Variants in GSG1L observed in about 807,000 individuals in gnomAD.
GSG1L encodes the protein germ cell-specific gene 1-like protein.
Under a neutral mutation model 42.1 loss-of-function variants are expected in GSG1L, and 24 were observed. The ratio of observed to expected loss-of-function variants is 0.57; its 90% CI spans 0.41 to 0.80. The LOEUF is 0.80. Among genes scored for constraint, GSG1L ranks in the 30% least tolerant of loss-of-function variants. GSG1L has a pLI of 0.00. For synonymous variants in GSG1L, 215 were observed against 203.5 expected (o/e 1.06, Z -0.48); for missense variants, 445 against 472.2 (o/e 0.94, Z 0.53).
intron 1 of GSG1L, among the ~76,000 whole-genome samples, chr16:27,969,088 G>A (rs1256114808): frequency 2.6e-5 from 4 of 152,090 alleles, no homozygotes; most frequent in Non-Finnish European, 5.9e-5. Context: ...CAGCCTGGGC[G>A]ACAGAGTGAG....
chr16:28,009,536 T>C (rs1300473070), intron 1 of GSG1L, among the ~76,000 whole-genome samples: 2 of 152,216 alleles, frequency 1.3e-5, no homozygotes, highest in Non-Finnish European at 2.9e-5. Context: ...ACCGAGTATC[T>C]GGTGCCTAGC....
At chr16:27,806,110 A>C (rs1325927196) in intron 6 of GSG1L, among the ~76,000 whole-genome samples, 1 of 152,060 alleles carries the variant, frequency 6.6e-6, no homozygotes, top group African/African-American at 2.4e-5. Context: ...TCCCTGCAGG[A>C]GGAGTTCTCC....
intron 1 of GSG1L, among the ~76,000 whole-genome samples, chr16:27,983,872 G>C (rs966478362): frequency 2.0e-5 from 3 of 152,154 alleles, no homozygotes; most frequent in Non-Finnish European, 2.9e-5. Context: ...TGCATGGCAA[G>C]AGTGACACCA....
At chr16:27,957,960 C>T (rs146067031) in intron 2 of GSG1L, among the ~76,000 whole-genome samples, 5 of 152,222 alleles carry the variant, frequency 3.3e-5, no homozygotes, top group East Asian at 1.9e-4. Context: ...TGAACTAATA[C>T]GGTGAGAATT....
intron 2 of GSG1L, among the ~76,000 whole-genome samples, chr16:27,922,937 G>A (rs770635850): frequency 5.3e-5 from 8 of 152,038 alleles, no homozygotes; most frequent in African/African-American, 9.7e-5. Flanking sequence ...ACAGGCACCC[G>A]CCACCATGCC....
In GSG1L at chr16:27,893,337, G is replaced by A. The variant is rs541994169; in HGVS notation, c.398-8699C>T. On this transcript the variant is annotated intron_variant, in intron 2 of 6. Coordinates refer to ENST00000447459, the MANE Select transcript of GSG1L (RefSeq NM_001109763.2). ...CTCCCTTGCTGAGAGAGCTTCCAGG[G>A]CCAGATCCTTGACTGAGTGAAAAAA... Among the ~76,000 whole-genome samples, 9 of 152,222 alleles carry A rather than the reference G, an allele frequency of 5.9e-5. No individual in the cohort carries two copies. The South Asian group carries it at 1.9e-3, about 32-fold the overall frequency.
chr16:27,943,980 T>C (rs1296094667), intron 2 of GSG1L, among the ~76,000 whole-genome samples: 2 of 152,186 alleles, frequency 1.3e-5, no homozygotes, highest in African/African-American at 2.4e-5. Context: ...TGCTGTGTTC[T>C]GATAAAACTT....
At chr16:28,014,707 T>C (rs2085760934) in intron 1 of GSG1L, among the ~76,000 whole-genome samples, 2 of 142,718 alleles carry the variant, frequency 1.4e-5, no homozygotes, top group African/African-American at 2.6e-5. Context: ...CTATGTTGTC[T>C]AGGCTGGTCT....
chr16:27,819,576 G>C (rs986130023), intron 5 of GSG1L, among the ~76,000 whole-genome samples: 2 of 152,196 alleles, frequency 1.3e-5, no homozygotes, highest in African/African-American at 4.8e-5. Context: ...CGGTGGGGAA[G>C]GTGTCAGGCA....
At chr16:28,042,423 G>C (rs867009268) in intron 1 of GSG1L, among the ~76,000 whole-genome samples, 1 of 124,374 alleles carries the variant, frequency 8.0e-6, no homozygotes, top group Non-Finnish European at 1.6e-5. Flanking sequence ...GCAACAGAGC[G>C]AAACTCCATC....
intron 5 of GSG1L, among the ~76,000 whole-genome samples, chr16:27,810,157 G>A (rs2083015377): frequency 6.6e-6 from 1 of 152,194 alleles, no homozygotes; most frequent in Non-Finnish European, 1.5e-5. Context: ...GGCCTAGTAG[G>A]GAAGACAAGC....
At position 27,820,664 on chromosome 16, in the gene GSG1L, T is replaced by C. The variant is rs528150315; in HGVS notation, c.830+8125A>G. On this transcript the variant is annotated intron_variant, in intron 5 of 6. Coordinates refer to ENST00000447459, the MANE Select transcript of GSG1L (RefSeq NM_001109763.2). Reference sequence around the variant, plus strand: ...CAAACCACTTTTGTCCATGCTGGTTTCTTGCAGATCTGAGATCTGATGGCT... The same window carrying C: ...CAAACCACTTTTGTCCATGCTGGTTCCTTGCAGATCTGAGATCTGATGGCT... Among the ~76,000 whole-genome samples, 493 of 152,244 alleles carry C rather than the reference T, an allele frequency of 3.2e-3. 1 individual carries two copies. Among genetic ancestry groups the C allele is most frequent in the Non-Finnish European group, 3.7e-3 (251 of 67,998 alleles).
chr16:27,850,800 C>CTTTTTT (rs201380124), intron 3 of GSG1L, among the ~76,000 whole-genome samples: 1 of 132,604 alleles, frequency 7.5e-6, no homozygotes, highest in Non-Finnish European at 1.6e-5. Flanking sequence ...TATCATCTAC[C>CTTTTTT]TTTTTTTTTT....
chr16:27,870,059 G>C (rs2141010450), intron 3 of GSG1L, among the ~76,000 whole-genome samples: 2 of 126,642 alleles, frequency 1.6e-5, no homozygotes, highest in African/African-American at 3.2e-5. Context: ...CTCTGTCTCT[G>C]CCTCTCTCCA....
At chr16:27,848,395 G>A (rs2083466878) in intron 3 of GSG1L, among the ~76,000 whole-genome samples, 1 of 152,216 alleles carries the variant, frequency 6.6e-6, no homozygotes, top group Non-Finnish European at 1.5e-5. Context: ...TGTGGGATAT[G>A]GCAATGAGCT....
intron 1 of GSG1L, among the ~76,000 whole-genome samples, chr16:28,005,334 G>A (rs545488869): frequency 7.4e-4 from 113 of 152,214 alleles, no homozygotes; most frequent in Non-Finnish European, 1.2e-3. Context: ...GCTTGGTCTC[G>A]AATTCCTGAC....
chr16:27,822,001 C>T (rs1467815826), intron 5 of GSG1L, among the ~76,000 whole-genome samples: 1 of 151,712 alleles, frequency 6.6e-6, no homozygotes, highest in East Asian at 1.9e-4. Flanking sequence ...CAAGGACTAC[C>T]ATTTGCCGCT....
chr16:27,799,977 G>A (rs896468296), intron 6 of GSG1L, among the ~76,000 whole-genome samples: 3 of 152,036 alleles, frequency 2.0e-5, no homozygotes, highest in Non-Finnish European at 2.9e-5. Flanking sequence ...TTAGAGCTGC[G>A]GAACCCTGGG....
At chr16:27,856,074 G>A (rs1223297621) in intron 3 of GSG1L, among the ~76,000 whole-genome samples, 2 of 152,158 alleles carry the variant, frequency 1.3e-5, no homozygotes, top group Non-Finnish European at 2.9e-5. Flanking sequence ...GACAGAGAAG[G>A]CTTTGATGTC....
Sources: allele counts gnomAD v4.1 joint callset (sites outside exome capture counted in the v4.1 genomes callset), GRCh38; gene constraint gnomAD v4.1.1; transcripts MANE v1.5; gene names NCBI Gene and HGNC (gene_info 2026-07-23, HGNC 2026-07-21).